Variants in POLQ observed in about 807,000 individuals in gnomAD.
POLQ encodes the protein epididymis secretory sperm binding protein.
POLQ carries 233 observed loss-of-function variants against 259.2 expected under a neutral mutation model. The observed-to-expected ratio is 0.90, with a 90% CI of 0.81 to 1.00. The LOEUF (loss-of-function observed/expected upper bound fraction) is 1.00. Ranked by LOEUF, POLQ falls within the 50% of genes least tolerant of loss-of-function variation. The pLI, the probability that POLQ is intolerant of heterozygous loss-of-function variation, is 0.00. For synonymous variants in POLQ, 1,025 were observed against 1,048.8 expected (o/e 0.98, Z 0.44); for missense variants, 2,871 against 3,051.6 (o/e 0.94, Z 1.39).
At chr3:121,533,348 A>T (rs2048425912) in intron 5 of POLQ, 139 bp from the exon 6 acceptor site, 1 of 467,254 alleles carries the variant, frequency 2.1e-6, no homozygotes, top group Non-Finnish European at 3.7e-6. Context: ...GAATAAAATT[A>T]CTGAGCCACA....
Position 121,483,410 on chromosome 3 carries a change from C to T in POLQ, c.5946G>A (p.Leu1982=). Residue 1982 remains leucine, a synonymous_variant, in exon 18 of 30, where the codon TTG becomes TTA. Coordinates refer to ENST00000264233, the MANE Select transcript of POLQ (RefSeq NM_199420.4). ...CCTTAGGATCTTCATAACTTTGCTC[C>T]AAGGAGATGCCACAAGAAAGAAGAA... ...KILLLSCGIS[L]EQSYEDPKVA... The T allele has an allele frequency of 6.3e-7, 1 of 1,576,824 alleles. No individual in the cohort carries two copies. The highest frequency in any genetic ancestry group is 1.2e-5 in the South Asian group (1 of 82,872).
chr3:121,466,531 A>C (rs2047838227), intron 24 of POLQ, among the ~76,000 whole-genome samples: 1 of 151,946 alleles, frequency 6.6e-6, no homozygotes, highest in Non-Finnish European at 1.5e-5. Flanking sequence ...TCTCTACTAA[A>C]AATACAAAAT....
chr3:121,540,738 G>C (rs1230079594), intron 3 of POLQ, among the ~76,000 whole-genome samples: 1 of 152,066 alleles, frequency 6.6e-6, no homozygotes, highest in Non-Finnish European at 1.5e-5. Flanking sequence ...GATTCTTAAT[G>C]TGCGTGTTTA....
chr3:121,488,694 C>T lies in POLQ; in HGVS notation c.4237G>A (p.Glu1413Lys), dbSNP rs1304848625. Residue 1413 changes from glutamate to lysine, a missense_variant, in exon 16 of 30, where the codon GAA becomes AAA. This residue lies in a region of POLQ where 2,080 missense variants were observed against 2,126.0 expected (regional missense o/e 0.98). Transcript: ENST00000264233. ...DSHGVDILTP[E>K]SPIFHSPILL... Reference sequence around the variant, plus strand: ...ATTGGAGAATGGAAAATCGGGCTTTCTGGAGTCAGGATATCAACCCCATGT... The same window carrying T: ...ATTGGAGAATGGAAAATCGGGCTTTTTGGAGTCAGGATATCAACCCCATGT... 5 of 1,613,150 alleles carry T rather than the reference C, an allele frequency of 3.1e-6. No homozygotes were observed. The highest frequency in any genetic ancestry group is 4.2e-6 in the Non-Finnish European group (5 of 1,179,808).
At chr3:121,539,160 T>C (rs186031278) in intron 4 of POLQ, among the ~76,000 whole-genome samples, 2 of 152,206 alleles carry the variant, frequency 1.3e-5, no homozygotes, top group African/African-American at 4.8e-5. Flanking sequence ...AGAGTTTAGA[T>C]AGGAAAGAAG....
At chr3:121,445,532 G>A (rs1205975922) in intron 26 of POLQ, among the ~76,000 whole-genome samples, 2 of 151,586 alleles carry the variant, frequency 1.3e-5, no homozygotes, top group African/African-American at 2.4e-5. Flanking sequence ...TTCTTAGTCT[G>A]GCTAAAGGTA....
rs188257030 is a variant in POLQ, at chr3:121,453,515, C to T, written c.7153-4089G>A. On this transcript the variant is annotated intron_variant, in intron 25 of 29. Coordinates refer to ENST00000264233, the MANE Select transcript of POLQ (RefSeq NM_199420.4). ...GAATAAAATTTAGACAAATGTATAA[C>T]TAGAATAACCAATACAGAGAAGAGC... 3.4e-3 allele frequency among the ~76,000 whole-genome samples: 520 copies of T among 152,216 alleles called. 2 individuals are homozygous for T. Among genetic ancestry groups the T allele is most frequent in the Non-Finnish European group, 6.1e-3 (418 of 68,028 alleles).
chr3:121,502,464 G>A lies in POLQ; in HGVS notation c.1960-3794C>T, dbSNP rs186978765. 9.9e-5 allele frequency among the ~76,000 whole-genome samples: 15 copies of A among 152,158 alleles called. No individual in the cohort carries two copies. The East Asian group carries it at 1.5e-3, about 16-fold the overall frequency. ...AGTGGTCCACCCGCCTCAGCCTACC[G>A]AAGTGCTGAGATTACAGGCATGAGC... On this transcript the variant is annotated intron_variant, in intron 12 of 29. Transcript: ENST00000264233.
intron 6 of POLQ, among the ~76,000 whole-genome samples, chr3:121,531,622 A>G (rs1437502298): frequency 2.6e-5 from 4 of 152,228 alleles, no homozygotes; most frequent in Non-Finnish European, 5.9e-5. Context: ...TAAATAGATC[A>G]CTAGCTCCTG....
rs374313475 is a variant in POLQ at position 121,521,195 on chromosome 3, T to A, written c.1255+808A>T. Among the ~76,000 whole-genome samples the A allele has an allele frequency of 4.6e-5, 7 of 152,318 alleles. No individual in the cohort carries two copies. The East Asian group carries it at 9.7e-4, about 21-fold the overall frequency. ...AGCAACTCATAAGTTTTAAATTGCA[T>A]GTCCTACCACCCAGGACATGAATTA... On this transcript the variant is annotated intron_variant, in intron 8 of 29. Transcript: ENST00000264233.
intron 18 of POLQ, 33 bp from the exon 19 acceptor site, chr3:121,481,845 AT>A (rs779254317): frequency 1.3e-6 from 2 of 1,555,636 alleles, no homozygotes; most frequent in South Asian, 2.4e-5. Context: ...TATTTTCCTG[AT>A]TTTTTTCAAA....
chr3:121,542,353 G>T (rs1178968052), intron 2 of POLQ, among the ~76,000 whole-genome samples: 1 of 152,026 alleles, frequency 6.6e-6, no homozygotes, highest in Non-Finnish European at 1.5e-5. Context: ...TCACGCCATT[G>T]CACTCTAGCA....
intron 6 of POLQ, 92 bp from the exon 7 acceptor site, chr3:121,529,884 T>A: frequency 3.4e-6 from 3 of 894,946 alleles, no homozygotes; most frequent in Non-Finnish European, 4.9e-6. Flanking sequence ...CTGGGGAAGC[T>A]TTTTCTTCTT....
At chr3:121,453,905 G>A (rs2047705016) in intron 25 of POLQ, among the ~76,000 whole-genome samples, 1 of 152,188 alleles carries the variant, frequency 6.6e-6, no homozygotes, top group Non-Finnish European at 1.5e-5. Flanking sequence ...TCCTCGAGAA[G>A]AGCAACTCCA....
At chr3:121,510,499 C>G (rs2048246538) in intron 10 of POLQ, among the ~76,000 whole-genome samples, 1 of 151,950 alleles carries the variant, frequency 6.6e-6, no homozygotes, top group Non-Finnish European at 1.5e-5. Context: ...ATGGCATGAA[C>G]CCAAGAGGCG....
Position 121,483,508 on chromosome 3 carries a change from A to C in POLQ, c.5848T>G (p.Ser1950Ala), listed in dbSNP as rs1244067562. The C allele has an allele frequency of 4.3e-6, 7 of 1,609,312 alleles. No individual in the cohort carries two copies. Among genetic ancestry groups the C allele is most frequent in the Non-Finnish European group, 5.9e-6 (7 of 1,178,156 alleles). ...TTATCAGATTCCTTTCGCAAGCAAG[A>C]TTGAAGGTACCACATCCTGTCTTTC... Reference protein sequence around the residue: ...TLKDRMWYLQSCLRKESDKEC... With the variant: ...TLKDRMWYLQACLRKESDKEC... Residue 1950 changes from serine (S) to alanine (A), a missense_variant, in exon 18 of 30, where the codon TCT becomes GCT. Ser to Ala is a moderately conservative substitution (Grantham distance 99, BLOSUM62 1). Around this residue, in one of 3 missense-constraint regions of POLQ, gnomAD observed 2,080 missense variants for 2,126.0 expected, o/e 0.98. Coordinates refer to ENST00000264233, the MANE Select transcript of POLQ (RefSeq NM_199420.4).
intron 27 of POLQ, among the ~76,000 whole-genome samples, chr3:121,439,341 C>G (rs1324525707): frequency 2.0e-5 from 3 of 152,008 alleles, no homozygotes; most frequent in African/African-American, 7.3e-5. Context: ...AGCAGTCCTC[C>G]CACCTCAGCC....
chr3:121,508,881 C>A (rs1560102862), intron 12 of POLQ, among the ~76,000 whole-genome samples: 1 of 152,080 alleles, frequency 6.6e-6, no homozygotes, highest in Non-Finnish European at 1.5e-5. Context: ...CAGGTTCTTG[C>A]CAGAGAACAT....
chr3:121,487,210 T>A, intron 16 of POLQ, 92 bp downstream of exon 16: 1 of 690,950 alleles, frequency 1.4e-6, no homozygotes, highest in East Asian at 2.8e-5. Flanking sequence ...GAATAGATTA[T>A]ATTTAATATC....
Sources: allele counts gnomAD v4.1 joint callset (sites outside exome capture counted in the v4.1 genomes callset), GRCh38; gene constraint gnomAD v4.1.1; regional missense constraint gnomAD v4.1.1; transcripts MANE v1.5; gene names NCBI Gene and HGNC (gene_info 2026-07-23, HGNC 2026-07-21).